The following ROS1 variants were observed in gnomAD, a reference collection of about 807,000 sequenced individuals.
ROS1 encodes the protein proto-oncogene tyrosine-protein kinase ROS.
ROS1 carries 263 observed loss-of-function variants against 273.5 expected under a neutral mutation model. The ratio of observed to expected loss-of-function variants is 0.96; its 90% CI spans 0.87 to 1.06. The LOEUF is 1.06. ROS1 is among the 50% of genes least tolerant of loss of function. The pLI, the probability that ROS1 is intolerant of heterozygous loss-of-function variation, is 0.00. For missense variants in ROS1, 2,833 were observed against 2,751.1 expected, an observed-to-expected ratio of 1.03 and a Z score of -0.67; for synonymous variants, 1,008 against 954.1, an observed-to-expected ratio of 1.06 and a Z score of -1.04.
intron 18 of ROS1, among the ~76,000 whole-genome samples, chr6:117,372,588 G>A (rs1780900367): frequency 6.6e-6 from 1 of 152,138 alleles, no homozygotes; most frequent in South Asian, 2.1e-4. Context: ...CCTTCTGGTG[G>A]GTTCGTGGTC....
At chr6:117,351,934 T>C (rs962434995) in intron 27 of ROS1, among the ~76,000 whole-genome samples, 1 of 152,220 alleles carries the variant, frequency 6.6e-6, no homozygotes, top group Non-Finnish European at 1.5e-5. Flanking sequence ...AATTTACATA[T>C]TTTATAACTG....
intron 18 of ROS1, among the ~76,000 whole-genome samples, chr6:117,376,800 T>C (rs566223815): frequency 3.3e-5 from 5 of 152,298 alleles, no homozygotes; most frequent in Admixed American, 2.0e-4. Context: ...TTTTCATTGA[T>C]TGGAAGATTC....
chr6:117,413,511 A>G (rs1462675636), intron 4 of ROS1, among the ~76,000 whole-genome samples: 1 of 152,224 alleles, frequency 6.6e-6, no homozygotes, highest in Non-Finnish European at 1.5e-5. Context: ...AAGACTAAGT[A>G]GGAAACATCA....
In ROS1 at chr6:117,342,296, C is replaced by T. The variant is rs79063278; in HGVS notation, c.4651+104G>A. On this transcript the variant is annotated intron_variant, in intron 29 of 43. Transcript: ENST00000368507. Reference sequence around the variant, plus strand: ...TTCTTATTAAACTTAAAAAAGCTTACTAAAATTACTTCGCATTCAGATTTT... The same window carrying T: ...TTCTTATTAAACTTAAAAAAGCTTATTAAAATTACTTCGCATTCAGATTTT... The T allele has an allele frequency of 1.5e-3, 1,762 of 1,154,114 alleles. 12 individuals carry two copies. The African/African-American group carries it at 0.02, about 13-fold the overall frequency. 71.5% of individuals were successfully genotyped at this position (1,154,114 alleles called of 1,614,324 possible).
chr6:117,404,485 G>A, intron 5 of ROS1, 57 bp from the exon 6 acceptor site: 2 of 1,528,182 alleles, frequency 1.3e-6, no homozygotes, highest in Non-Finnish European at 1.8e-6. Flanking sequence ...GCGCAAGAGA[G>A]TGTGTGCCTC....
chr6:117,341,351 C>T (rs1326141548), intron 30 of ROS1, 40 bp from the exon 31 acceptor site: 2 of 1,611,908 alleles, frequency 1.2e-6, no homozygotes, highest in African/African-American at 2.7e-5. Flanking sequence ...CTTTTGAGAG[C>T]CTTGCACTTG....
intron 18 of ROS1, among the ~76,000 whole-genome samples, chr6:117,376,847 G>C (rs1460050565): frequency 6.6e-6 from 1 of 152,160 alleles, no homozygotes; most frequent in African/African-American, 2.4e-5. Flanking sequence ...AAACTGAAAA[G>C]AGATTCAAAA....
At chr6:117,411,217 C>A (rs1409796366) in intron 4 of ROS1, among the ~76,000 whole-genome samples, 1 of 111,168 alleles carries the variant, frequency 9.0e-6, no homozygotes, top group Non-Finnish European at 1.8e-5. Context: ...TTCCTTCTCT[C>A]AATCTCTCTC....
intron 18 of ROS1, among the ~76,000 whole-genome samples, chr6:117,371,920 G>A (rs550615115): frequency 3.9e-4 from 60 of 152,236 alleles, no homozygotes; most frequent in African/African-American, 1.1e-3. Context: ...AGCAAGCTCC[G>A]CCCAAGGAGA....
At chr6:117,387,078 G>A in intron 14 of ROS1, 79 bp from the exon 15 acceptor site, 6 of 635,524 alleles carry the variant, frequency 9.4e-6, no homozygotes, top group Non-Finnish European at 2.7e-6. Flanking sequence ...TTATATCTAT[G>A]CCTTATATCT....
Position 117,394,251 on chromosome 6 carries a change from G to C in ROS1, c.1102C>G (p.Leu368Val). 1 of 1,609,982 alleles carries C rather than the reference G, an allele frequency of 6.2e-7. No individual in the cohort carries two copies. Among genetic ancestry groups the C allele is most frequent in the South Asian group, 1.1e-5 (1 of 90,462 alleles). The change falls in exon 11 of 44, where the codon CTG (leucine) becomes GTG (valine). Residue 368 changes from leucine to valine, a missense_variant. Leu to Val is a conservative substitution (Grantham distance 32, BLOSUM62 1). Transcript: ENST00000368507. ...KAANMSDVSD[L>V]RIFYRGSGLI... ...CCTGAACCTCTGTAAAAAATTCTCA[G>C]GTCAGATACATCAGACATGTTGGCA...
At chr6:117,391,804 C>T (rs747094845) in intron 12 of ROS1, among the ~76,000 whole-genome samples, 33 of 152,112 alleles carry the variant, frequency 2.2e-4, no homozygotes, top group Non-Finnish European at 3.8e-4. Context: ...TAGACAATTA[C>T]GGAATCAACC....
At position 117,301,266 on chromosome 6, in the gene ROS1, T is replaced by C. The variant is rs141883526; in HGVS notation, c.6552-129A>G. On this transcript the variant is annotated intron_variant, in intron 42 of 43. Transcript: ENST00000368507. ...GTTTTCCTTAATTAATATAAGTGAATCAAAACAAAGGCTTTGATTTCTTAT... is the reference window on the plus strand; with the variant it reads ...GTTTTCCTTAATTAATATAAGTGAACCAAAACAAAGGCTTTGATTTCTTAT... 229 of 725,464 alleles carry C rather than the reference T, an allele frequency of 3.2e-4. No homozygotes were observed. In the African/African-American group the frequency reaches 3.5e-3, roughly 11 times the overall value. 44.9% of individuals were successfully genotyped at this position (725,464 alleles called of 1,614,324 possible).
At position 117,365,112 on chromosome 6, in the gene ROS1, G is replaced by GTTA; in HGVS notation, c.3050_3051insTAA (p.Thr1017_Tyr1018insAsn). 2.5e-6 allele frequency: 4 copies of GTTA among 1,613,730 alleles called. No individual in the cohort carries two copies. Among genetic ancestry groups the GTTA allele is most frequent in the Non-Finnish European group, 3.4e-6 (4 of 1,179,722 alleles). On this transcript the variant is annotated inframe_insertion, in exon 21 of 44. Coordinates refer to ENST00000368507, the MANE Select transcript of ROS1 (RefSeq NM_001378902.1). ...ATGTTTTGGGGCCCTTTCCCCAGTAGGTATAAGGAGTGACAGAAAGATTAA... is the reference window on the plus strand; with the variant it reads ...ATGTTTTGGGGCCCTTTCCCCAGTAGTTAGTATAAGGAGTGACAGAAAGATTAA...
chr6:117,371,799 C>T (rs901209556), intron 18 of ROS1, among the ~76,000 whole-genome samples: 3 of 152,090 alleles, frequency 2.0e-5, no homozygotes, highest in African/African-American at 7.2e-5. Flanking sequence ...CTGGCTTTTC[C>T]CCACTCCCCT....
intron 32 of ROS1, among the ~76,000 whole-genome samples, chr6:117,332,316 C>T (rs1316209185): frequency 6.6e-6 from 1 of 152,040 alleles, no homozygotes; most frequent in African/African-American, 2.4e-5. Flanking sequence ...ATATATGCAC[C>T]CAATACAAGA....
chr6:117,289,455 T>G (rs9489115), intron 43 of ROS1, among the ~76,000 whole-genome samples: 11,780 of 152,248 alleles, frequency 0.077, 581 homozygotes, highest in Middle Eastern at 0.19. Context: ...TTCAAAAGAC[T>G]AAGGGAGGTA....
At chr6:117,375,776 C>A (rs1339687063) in intron 18 of ROS1, among the ~76,000 whole-genome samples, 2 of 151,690 alleles carry the variant, frequency 1.3e-5, no homozygotes, top group African/African-American at 4.8e-5. Context: ...GATAAAAAGG[C>A]AATATAATTA....
At chr6:117,402,079 G>A (rs751529052) in intron 7 of ROS1, among the ~76,000 whole-genome samples, 8 of 152,120 alleles carry the variant, frequency 5.3e-5, no homozygotes, top group Non-Finnish European at 7.4e-5. Flanking sequence ...AAGGCAGTTC[G>A]CATCAGATCG....
Sources: gnomAD v4.1 joint callset for allele counts (sites outside exome capture counted in the v4.1 genomes callset) on GRCh38, gnomAD v4.1.1 for gene constraint, MANE v1.5 for transcripts, NCBI Gene and HGNC (gene_info 2026-07-23, HGNC 2026-07-21) for gene names.